The following RGS10 variants were observed in gnomAD, a reference collection of about 807,000 sequenced individuals.
RGS10 encodes regulator of G-protein signalling 10.
A neutral mutation model predicts 23.5 loss-of-function variants in RGS10; 11 were observed. The ratio of observed to expected loss-of-function variants is 0.47; its 90% CI spans 0.29 to 0.77. The LOEUF is 0.77. Among genes scored for constraint, RGS10 ranks in the 30% least tolerant of loss-of-function variants. The probability of loss-of-function intolerance (pLI) is 0.08; values close to 1 mark genes in which losing one functional copy is unlikely to be tolerated. For synonymous variants in RGS10, 77 were observed against 83.2 expected (o/e 0.92, Z 0.41); for missense variants, 180 against 226.3 (o/e 0.80, Z 1.31).
Position 119,527,409 on chromosome 10 carries a change from T to C in RGS10, c.65A>G (p.Asp22Gly). The C allele has an allele frequency of 6.2e-7, 1 of 1,614,106 alleles. No homozygotes were observed. The highest frequency in any genetic ancestry group is 1.1e-5 in the South Asian group (1 of 91,086). Reference protein sequence around the residue: ...KRPPSDIHDSDGSSSSSHQSL... With the variant: ...KRPPSDIHDSGGSSSSSHQSL... ...CTGGTGGCTGCTGCTGGAACTGCCA[T>C]CGCTGTCGTGGATGTCTGCAAAGCA... is the stretch of plus-strand genomic sequence containing the variant. Residue 22 changes from aspartate to glycine, a missense_variant, in exon 2 of 5, where the codon GAT becomes GGT. By Grantham distance (94) the Asp-to-Gly change is moderately conservative (BLOSUM62 -1). Transcript: ENST00000369103. This position sits in a 1 kb window ranked among gnomAD's most constrained non-coding sequence, Gnocchi z 4.2.
chr10:119,519,279 T>C (rs1844181896), intron 3 of RGS10, among the ~76,000 whole-genome samples: 1 of 151,814 alleles, frequency 6.6e-6, no homozygotes, highest in African/African-American at 2.4e-5. Context: ...CCTGTGTCTG[T>C]CCCCCAGCTC....
intron 4 of RGS10, among the ~76,000 whole-genome samples, chr10:119,513,001 T>G (rs1041315484): frequency 1.3e-5 from 2 of 152,214 alleles, no homozygotes; most frequent in Non-Finnish European, 2.9e-5. Flanking sequence ...TGTGTATTTA[T>G]AGAAAAAAAG....
In RGS10 at chr10:119,534,501, G is replaced by T. The variant is rs144343391; in HGVS notation, c.50-7077C>A. Among the ~76,000 whole-genome samples, 502 of 145,486 alleles carry T rather than the reference G, an allele frequency of 3.5e-3. 4 individuals are homozygous for T. Among genetic ancestry groups the T allele is most frequent in the African/African-American group, 0.012 (481 of 39,344 alleles). On this transcript the variant is annotated intron_variant, in intron 1 of 4. Transcript: ENST00000369103. Reference sequence around the variant, plus strand: ...AGCTACTCGGGAGGCTGAGGCAGAAGAATTGCTTGAACCCAGGAGGCGGAG... The same window carrying T: ...AGCTACTCGGGAGGCTGAGGCAGAATAATTGCTTGAACCCAGGAGGCGGAG...
At chr10:119,515,349 C>A (rs1038367023) in intron 4 of RGS10, 160 bp downstream of exon 4, 17 of 789,032 alleles carry the variant, frequency 2.2e-5, no homozygotes, top group Admixed American at 1.6e-4. Context: ...GAATTCTGGT[C>A]CCCACTCTCC....
At position 119,538,323 on chromosome 10, in the gene RGS10, C is replaced by G. The variant is rs951138357; in HGVS notation, c.49+4267G>C. 1.3e-5 allele frequency among the ~76,000 whole-genome samples: 2 copies of G among 152,344 alleles called. No homozygotes were observed. The highest frequency in any genetic ancestry group is 6.8e-3 in the Middle Eastern group (2 of 294). The stretch of plus-strand genomic sequence containing the variant: ...CTGCCCCTTCAGAAATGGGTGCCTC[C>G]GGACAAGTCCCTGCCCCTTAGTGGC... On this transcript the variant is annotated intron_variant, in intron 1 of 4. Transcript: ENST00000369103. The surrounding 1 kb of genome is among the most constrained non-coding windows in gnomAD (Gnocchi z 4.5).
chr10:119,506,845 C>G (rs919519481), intron 4 of RGS10, among the ~76,000 whole-genome samples: 3 of 152,174 alleles, frequency 2.0e-5, no homozygotes, highest in Non-Finnish European at 4.4e-5. Flanking sequence ...GAATTACAGG[C>G]ACGTGCCACC....
Position 119,526,126 on chromosome 10 carries a change from T to C in RGS10, c.169-8A>G. ...TTCCTTTTTTAAAAATTCCTGTGGA[T>C]ACAAAGAAAAAGAGTCACACAGTAT... On this transcript the variant is annotated splice_region_variant and splice_polypyrimidine_tract_variant and intron_variant, in intron 2 of 4. Transcript: ENST00000369103. 1 of 1,442,896 alleles carries C rather than the reference T, an allele frequency of 6.9e-7. No homozygotes were observed. The allele number at this position is 1,442,896 out of a possible 1,614,324, so 89.4% of individuals were successfully genotyped here. A position where few individuals can be genotyped will look rare whatever the true frequency, so the allele number is the denominator to read the frequency against.
At position 119,517,684 on chromosome 10, in the gene RGS10, G is replaced by A. The variant is rs776716796; in HGVS notation, c.256-2032C>T. On this transcript the variant is annotated intron_variant, in intron 3 of 4. Coordinates refer to ENST00000369103, the MANE Select transcript of RGS10 (RefSeq NM_001005339.2). This position sits in a 1 kb window ranked among gnomAD's most constrained non-coding sequence, Gnocchi z 5.0. ...TTGACATTCACACGCACACACACAC[G>A]CACACACGTGCACACACGCACACAC... 7.9e-5 allele frequency among the ~76,000 whole-genome samples: 12 copies of A among 151,962 alleles called. No homozygotes were observed. The highest frequency in any genetic ancestry group is 2.7e-4 in the African/African-American group (11 of 41,358).
intron 1 of RGS10, among the ~76,000 whole-genome samples, chr10:119,532,372 TC>T (rs1207709752): frequency 1.3e-5 from 2 of 151,618 alleles, no homozygotes; most frequent in Non-Finnish European, 2.9e-5. Flanking sequence ...CAACTCAGGG[TC>T]CCCTGCTCAG....
At position 119,499,965 on chromosome 10, in the gene RGS10, T is replaced by G; in HGVS notation, c.*148A>C. On this transcript the variant is annotated 3_prime_UTR_variant, in exon 5 of 5. Coordinates refer to ENST00000369103, the MANE Select transcript of RGS10 (RefSeq NM_001005339.2). Reference sequence around the variant, plus strand: ...AGCTTAGCCATCATGCAAAATTTACTGGTGAAGCAGTTAATAAAACACACA... The same window carrying G: ...AGCTTAGCCATCATGCAAAATTTACGGGTGAAGCAGTTAATAAAACACACA... 3.0e-6 allele frequency: 2 copies of G among 670,040 alleles called. No homozygotes were observed. Among genetic ancestry groups the G allele is most frequent in the Non-Finnish European group, 4.8e-6 (2 of 420,356 alleles). 41.5% of individuals were successfully genotyped at this position (670,040 alleles called of 1,614,324 possible).
At chr10:119,507,928 T>C (rs774409225) in intron 4 of RGS10, among the ~76,000 whole-genome samples, 2 of 152,040 alleles carry the variant, frequency 1.3e-5, no homozygotes, top group Non-Finnish European at 2.9e-5. Flanking sequence ...CATCTCTGCT[T>C]TTCCAGGCTA....
At chr10:119,508,699 G>A (rs989873614) in intron 4 of RGS10, among the ~76,000 whole-genome samples, 10 of 152,182 alleles carry the variant, frequency 6.6e-5, no homozygotes, top group African/African-American at 1.7e-4. Flanking sequence ...GAGAAGGAGC[G>A]GCAGGACTGG....
chr10:119,518,015 C>T (rs187577285), intron 3 of RGS10, among the ~76,000 whole-genome samples: 233 of 152,236 alleles, frequency 1.5e-3, no homozygotes, highest in African/African-American at 5.4e-3. Flanking sequence ...CCTGAGACGG[C>T]GACCACAAGC....
intron 4 of RGS10, 151 bp downstream of exon 4, chr10:119,515,358 C>A: frequency 1.1e-6 from 1 of 879,192 alleles, no homozygotes; most frequent in Non-Finnish European, 1.8e-6. Flanking sequence ...TCCCCACTCT[C>A]CCCAACCATG....
chr10:119,536,670 A>T lies in RGS10; in HGVS notation c.49+5920T>A, dbSNP rs1246947540. The T allele has an allele frequency of 1.0e-5, 6 of 583,422 alleles. No homozygotes were observed. The South Asian group carries it at 1.4e-4, about 14-fold the overall frequency. 36.1% of individuals were successfully genotyped at this position (583,422 alleles called of 1,614,324 possible). ...TCCAGTTTCTACTAGAGGGAAGGAA[A>T]TAAGAACGCCAAACTGTTATTTGTA... is the stretch of plus-strand genomic sequence containing the variant. On this transcript the variant is annotated intron_variant, in intron 1 of 4. Transcript: ENST00000369103.
intron 4 of RGS10, among the ~76,000 whole-genome samples, chr10:119,508,251 C>T (rs1416713172): frequency 1.3e-5 from 2 of 152,188 alleles, no homozygotes; most frequent in Admixed American, 6.5e-5. Flanking sequence ...CCACCCGCCT[C>T]GGCCTCCCAA....
In RGS10 at chr10:119,527,160, G is replaced by C; in HGVS notation, c.168+146C>G. ...ACAGATGAGAAAGTCTCACCCTCAAGCTGGGATAGACAGTACTGAACTCTC... is the reference window on the plus strand; with the variant it reads ...ACAGATGAGAAAGTCTCACCCTCAACCTGGGATAGACAGTACTGAACTCTC... On this transcript the variant is annotated intron_variant, in intron 2 of 4. Transcript: ENST00000369103. This position sits in a 1 kb window ranked among gnomAD's most constrained non-coding sequence, Gnocchi z 4.2. 1 of 587,422 alleles carries C rather than the reference G, an allele frequency of 1.7e-6. No homozygotes were observed. The highest frequency in any genetic ancestry group is 3.0e-6 in the Non-Finnish European group (1 of 331,040). 36.4% of individuals were successfully genotyped at this position (587,422 alleles called of 1,614,324 possible). A position where few individuals can be genotyped will look rare whatever the true frequency, so the allele number is the denominator to read the frequency against.
intron 2 of RGS10, among the ~76,000 whole-genome samples, chr10:119,526,653 C>T (rs537215796): frequency 1.3e-5 from 2 of 152,288 alleles, no homozygotes; most frequent in African/African-American, 2.4e-5. Flanking sequence ...AGTGGCCTGG[C>T]GACCAGGAAC....
chr10:119,515,943 A>T (rs1342395342), intron 3 of RGS10, among the ~76,000 whole-genome samples: 1 of 152,170 alleles, frequency 6.6e-6, no homozygotes, highest in Non-Finnish European at 1.5e-5. Context: ...CGCAGAGAGC[A>T]CTCAGTACCA....
Sources: allele counts gnomAD v4.1 joint callset (sites outside exome capture counted in the v4.1 genomes callset), GRCh38; gene constraint gnomAD v4.1.1; non-coding constraint Gnocchi (gnomAD v3.1); transcripts MANE v1.5; gene names NCBI Gene and HGNC (gene_info 2026-07-23, HGNC 2026-07-21).